CADM2: variants seen among roughly 807,000 people sequenced by gnomAD.
The protein encoded by CADM2 is immunoglobulin superfamily member 4D.
CADM2 carries 12 observed loss-of-function variants against 49.8 expected under a neutral mutation model. The observed-to-expected ratio is 0.24, with a 90% CI of 0.15 to 0.39. The LOEUF is 0.39. CADM2 is among the 10% of genes least tolerant of loss of function. The pLI is 1.00. For synonymous variants in CADM2, 214 were observed against 175.4 expected, an observed-to-expected ratio of 1.22 and a Z score of -1.74; for missense variants, 378 against 492.3, an observed-to-expected ratio of 0.77 and a Z score of 2.20.
intron 8 of CADM2, among the ~76,000 whole-genome samples, chr3:86,040,381 T>G (rs545313980): frequency 4.6e-5 from 7 of 151,940 alleles, no homozygotes; most frequent in Non-Finnish European, 1.0e-4. Context: ...TGCAGAGAAG[T>G]CCTTAAAGGA....
intron 1 of CADM2, among the ~76,000 whole-genome samples, chr3:85,675,575 C>G (rs1482427136): frequency 6.6e-6 from 1 of 152,068 alleles, no homozygotes; most frequent in Non-Finnish European, 1.5e-5. Context: ...TCTAACACCC[C>G]GATAGAATTC....
At chr3:85,207,819 A>T (rs2041685471) in intron 1 of CADM2, among the ~76,000 whole-genome samples, 1 of 152,182 alleles carries the variant, frequency 6.6e-6, no homozygotes, top group South Asian at 2.1e-4. Flanking sequence ...GGTCAGCTTG[A>T]CAGGTTGATA....
intron 8 of CADM2, among the ~76,000 whole-genome samples, chr3:85,976,680 T>C (rs982902522): frequency 1.3e-5 from 2 of 151,564 alleles, no homozygotes; most frequent in African/African-American, 4.8e-5. Flanking sequence ...TTATGACAAG[T>C]CATTTTTTAA....
At chr3:85,699,566 A>G (rs1440655069) in intron 1 of CADM2, among the ~76,000 whole-genome samples, 1 of 152,154 alleles carries the variant, frequency 6.6e-6, no homozygotes, top group Non-Finnish European at 1.5e-5. Context: ...TATGGTTTGC[A>G]CTCTCTGAGG....
intron 1 of CADM2, among the ~76,000 whole-genome samples, chr3:85,630,952 A>G (rs984845384): frequency 2.6e-5 from 4 of 152,178 alleles, no homozygotes; most frequent in East Asian, 1.9e-4. Flanking sequence ...TCCTACGGCT[A>G]TAAGACATAT....
At chr3:85,454,792 G>C (rs1167699364) in intron 1 of CADM2, among the ~76,000 whole-genome samples, 1 of 152,158 alleles carries the variant, frequency 6.6e-6, no homozygotes, top group African/African-American at 2.4e-5. Flanking sequence ...GTTGCCTTTA[G>C]GGAGCTTAAA....
intron 7 of CADM2, among the ~76,000 whole-genome samples, chr3:85,937,329 T>G (rs2108542588): frequency 6.6e-6 from 1 of 151,962 alleles, no homozygotes; most frequent in African/African-American, 2.4e-5. Flanking sequence ...AATACAAATT[T>G]CAAGAGATTT....
chr3:85,511,265 T>A (rs2040605430), intron 1 of CADM2, among the ~76,000 whole-genome samples: 1 of 152,110 alleles, frequency 6.6e-6, no homozygotes, highest in South Asian at 2.1e-4. Flanking sequence ...CAGAACAATT[T>A]ATTTAACTTT....
chr3:85,960,152 A>C (rs1212862078), intron 7 of CADM2, among the ~76,000 whole-genome samples: 1 of 151,936 alleles, frequency 6.6e-6, no homozygotes, highest in Non-Finnish European at 1.5e-5. Flanking sequence ...TTCCATTAAC[A>C]CTGCCAATCT....
intron 1 of CADM2, among the ~76,000 whole-genome samples, chr3:85,199,207 C>A (rs1344391079): frequency 6.6e-6 from 1 of 151,844 alleles, no homozygotes; most frequent in Non-Finnish European, 1.5e-5. Flanking sequence ...TCTACATGAG[C>A]AATTGGTGAG....
chr3:85,283,523 T>C (rs1440081537), intron 1 of CADM2, among the ~76,000 whole-genome samples: 1 of 152,076 alleles, frequency 6.6e-6, no homozygotes, highest in Non-Finnish European at 1.5e-5. Flanking sequence ...AAAATATTTA[T>C]TTTATACTAA....
chr3:85,368,171 A>G (rs936678348), intron 1 of CADM2, among the ~76,000 whole-genome samples: 2 of 152,088 alleles, frequency 1.3e-5, no homozygotes, highest in Non-Finnish European at 2.9e-5. Flanking sequence ...TTGAATACTT[A>G]TAACTTTTCA....
chr3:85,552,975 C>A (rs1487303223), intron 1 of CADM2, among the ~76,000 whole-genome samples: 4 of 152,184 alleles, frequency 2.6e-5, no homozygotes, highest in Non-Finnish European at 4.4e-5. Flanking sequence ...CCAGTCCTGG[C>A]CTCTTAGTTT....
At chr3:85,614,517 C>T (rs1232470495) in intron 1 of CADM2, among the ~76,000 whole-genome samples, 6 of 151,712 alleles carry the variant, frequency 4.0e-5, no homozygotes, top group East Asian at 1.9e-4. Context: ...GGCCAAATAA[C>T]GAAGCTTAAG....
chr3:85,598,093 G>T (rs1252890871), intron 1 of CADM2, among the ~76,000 whole-genome samples: 1 of 151,908 alleles, frequency 6.6e-6, no homozygotes, highest in East Asian at 1.9e-4. Context: ...CATTTCAGGA[G>T]ACTTCAGACC....
chr3:85,146,311 CT>C, intron 1 of CADM2, among the ~76,000 whole-genome samples: 1 of 152,080 alleles, frequency 6.6e-6, no homozygotes, highest in South Asian at 2.1e-4. Flanking sequence ...TAAATTAACA[CT>C]TTTTTGTGGT....
intron 1 of CADM2, among the ~76,000 whole-genome samples, chr3:85,553,201 G>A (rs1267570496): frequency 1.3e-5 from 2 of 152,066 alleles, no homozygotes; most frequent in Non-Finnish European, 2.9e-5. Context: ...ACAGGGAATT[G>A]GAAATGGGAC....
intron 1 of CADM2, among the ~76,000 whole-genome samples, chr3:85,253,016 G>T (rs1317176927): frequency 2.0e-5 from 3 of 152,020 alleles, no homozygotes; most frequent in South Asian, 2.1e-4. Flanking sequence ...CTCTACTAAT[G>T]ATTACAGTAA....
chr3:86,020,391 C>T (rs1038226503), intron 8 of CADM2, among the ~76,000 whole-genome samples: 17 of 152,002 alleles, frequency 1.1e-4, no homozygotes, highest in African/African-American at 3.9e-4. Flanking sequence ...GATTCACAGC[C>T]GAATTCTACC....
Sources: gnomAD v4.1 joint callset for allele counts (sites outside exome capture counted in the v4.1 genomes callset) on GRCh38, gnomAD v4.1.1 for gene constraint, MANE v1.5 for transcripts, NCBI Gene and HGNC (gene_info 2026-07-23, HGNC 2026-07-21) for gene names.